SGIP1: variants seen among roughly 807,000 people sequenced by gnomAD.
SGIP1 encodes SH3GL interacting endocytic adaptor 1, also known as SH3-containing GRB2-like protein 3-interacting protein 1.
In SGIP1, 38 loss-of-function variants were observed where a neutral mutation model predicts 107.5. The ratio of observed to expected loss-of-function variants is 0.35; its 90% CI spans 0.27 to 0.46. The LOEUF is 0.46. Among genes scored for constraint, SGIP1 ranks in the 20% least tolerant of loss-of-function variants. SGIP1 has a pLI of 1.00. For missense variants in SGIP1, 929 were observed against 1,019.5 expected, an observed-to-expected ratio of 0.91 and a Z score of 1.21; for synonymous variants, 365 against 366.1, an observed-to-expected ratio of 1.00 and a Z score of 0.03.
At chr1:66,643,823 C>A in intron 7 of SGIP1, 104 bp downstream of exon 7, 2 of 989,182 alleles carry the variant, frequency 2.0e-6, no homozygotes, top group Non-Finnish European at 2.8e-6. Context: ...TTGAAGCCTG[C>A]ATATGGTCAC....
At chr1:66,649,847 C>T (rs2078395374) in intron 7 of SGIP1, among the ~76,000 whole-genome samples, 1 of 152,142 alleles carries the variant, frequency 6.6e-6, no homozygotes, top group African/African-American at 2.4e-5. Flanking sequence ...ACACTTACTC[C>T]AATGATGTCC....
In SGIP1 at chr1:66,681,903, A is replaced by G. The variant is rs748782414; in HGVS notation, c.849A>G (p.Glu283=). 1.2e-6 allele frequency: 2 copies of G among 1,613,660 alleles called. No homozygotes were observed. Among genetic ancestry groups the G allele is most frequent in the Non-Finnish European group, 1.7e-6 (2 of 1,179,714 alleles). ...AGTCAGCCACAGAGGTCAAAATTGA[A>G]AAACTACCATCCATCAATGACTTGG... is the stretch of plus-strand genomic sequence containing the variant. ...NDQSATEVKI[E]KLPSINDLDS... The change falls in exon 15 of 25, where the codon GAA becomes GAG. Residue 283 remains glutamate, a synonymous_variant. Transcript: ENST00000371037.
intron 5 of SGIP1, among the ~76,000 whole-genome samples, chr1:66,641,914 C>G (rs2076864617): frequency 1.3e-5 from 2 of 152,142 alleles, no homozygotes; most frequent in South Asian, 4.1e-4. Flanking sequence ...TACCAAGAAC[C>G]AGCAATCCAT....
chr1:66,583,459 A>G (rs1234558204), intron 1 of SGIP1, among the ~76,000 whole-genome samples: 1 of 152,106 alleles, frequency 6.6e-6, no homozygotes, highest in Non-Finnish European at 1.5e-5. Flanking sequence ...ACTGGGATTA[A>G]CTATTTGCTC....
At position 66,635,965 on chromosome 1, in the gene SGIP1, C is replaced by T. The variant is rs1558154834; in HGVS notation, c.121C>T (p.Pro41Ser). Residue 41 changes from proline (P) to serine (S), a missense_variant, in exon 4 of 25, where the codon CCC (proline) becomes TCC (serine). Pro to Ser is a moderately conservative substitution (Grantham distance 74, BLOSUM62 -1). Coordinates refer to ENST00000371037, the MANE Select transcript of SGIP1 (RefSeq NM_032291.4). ...CCAGCAGCCCAGCCCACACGAACCA[C>T]CCTACAATAGCAAAGCAGAGTGTGC... ...DGIQPSPHEPPYNSKAECARE... is the reference protein window; with the variant it reads ...DGIQPSPHEPSYNSKAECARE... 1.2e-6 allele frequency: 2 copies of T among 1,613,842 alleles called. No individual in the cohort carries two copies. Among genetic ancestry groups the T allele is most frequent in the East Asian group, 4.5e-5 (2 of 44,868 alleles).
At chr1:66,612,932 CTAGAAAATTTTTAAGAGT>C (rs1175233161) in intron 1 of SGIP1, among the ~76,000 whole-genome samples, 3 of 152,196 alleles carry the variant, frequency 2.0e-5, no homozygotes, top group Non-Finnish European at 4.4e-5. Flanking sequence ...ACTGTCAAAA[CTAGAAAATTTTTAAGAGT>C]TAAAAACTGT....
intron 21 of SGIP1, 93 bp from the exon 22 acceptor site, chr1:66,739,242 T>C (rs962734434): frequency 4.0e-5 from 56 of 1,402,240 alleles, no homozygotes; most frequent in Non-Finnish European, 5.0e-5. Flanking sequence ...TCACGGTTGC[T>C]TGTGAGCAGC....
intron 1 of SGIP1, among the ~76,000 whole-genome samples, chr1:66,559,374 TGG>T (rs2058620315): frequency 1.3e-5 from 2 of 152,088 alleles, no homozygotes; most frequent in African/African-American, 4.8e-5. Context: ...ATAAGTAGCC[TGG>T]CTTAACCTAT....
chr1:66,577,363 G>T (rs2061208705), intron 1 of SGIP1, among the ~76,000 whole-genome samples: 1 of 152,050 alleles, frequency 6.6e-6, no homozygotes, highest in African/African-American at 2.4e-5. Flanking sequence ...AATGTTTGTT[G>T]TTTATAGACT....
intron 22 of SGIP1, among the ~76,000 whole-genome samples, 165 bp from the exon 23 acceptor site, chr1:66,740,493 T>C (rs1302328870): frequency 1.3e-5 from 2 of 152,202 alleles, no homozygotes; most frequent in East Asian, 3.8e-4. Context: ...AAAAGAGATT[T>C]ATGTATGTCT....
At chr1:66,588,235 C>T (rs1433079365) in intron 1 of SGIP1, among the ~76,000 whole-genome samples, 1 of 152,062 alleles carries the variant, frequency 6.6e-6, no homozygotes, top group Non-Finnish European at 1.5e-5. Flanking sequence ...AATGGAATAG[C>T]TCCATATATA....
intron 1 of SGIP1, among the ~76,000 whole-genome samples, chr1:66,555,467 C>T (rs1320347573): frequency 2.6e-5 from 4 of 152,166 alleles, no homozygotes; most frequent in Non-Finnish European, 4.4e-5. Flanking sequence ...AGCCCTGTCC[C>T]TCTTGTTCAT....
intron 1 of SGIP1, among the ~76,000 whole-genome samples, chr1:66,604,941 T>C (rs1570467911): frequency 1.3e-5 from 2 of 152,218 alleles, no homozygotes; most frequent in Non-Finnish European, 2.9e-5. Context: ...CACTGTCCTC[T>C]TTTAGGGCTC....
intron 1 of SGIP1, among the ~76,000 whole-genome samples, chr1:66,558,156 T>G (rs2058450078): frequency 1.3e-5 from 2 of 152,094 alleles, no homozygotes; most frequent in Non-Finnish European, 2.9e-5. Flanking sequence ...ACAATTTATC[T>G]TGATTCCAGG....
chr1:66,565,049 G>A (rs1290691550), intron 1 of SGIP1, among the ~76,000 whole-genome samples: 1 of 151,944 alleles, frequency 6.6e-6, no homozygotes, highest in Admixed American at 6.6e-5. Context: ...CTGGAAGGGG[G>A]CAGACAGTAG....
intron 1 of SGIP1, among the ~76,000 whole-genome samples, chr1:66,539,467 G>C (rs1202043848): frequency 3.3e-5 from 5 of 152,180 alleles, no homozygotes. Context: ...ATATTAGAAA[G>C]ATCTGATATT....
intron 12 of SGIP1, among the ~76,000 whole-genome samples, chr1:66,674,171 T>A (rs114211761): frequency 0.012 from 1,787 of 152,084 alleles, 37 homozygotes; most frequent in African/African-American, 0.041. Flanking sequence ...CCACCTCAAA[T>A]AAAATAAAAT....
chr1:66,606,717 C>T (rs1055121690), intron 1 of SGIP1, among the ~76,000 whole-genome samples: 4 of 152,198 alleles, frequency 2.6e-5, no homozygotes, highest in Non-Finnish European at 5.9e-5. Flanking sequence ...GCTGGGTTGT[C>T]TCTGCCAAGA....
In SGIP1 at chr1:66,720,153, T is replaced by C. The variant is rs1030170057; in HGVS notation, c.1742+748T>C. Reference sequence around the variant, plus strand: ...CAATGGTTTCCCTGAAATTATATTGTGTATTTTATGTGTGTGCATGTGTGC... The same window carrying C: ...CAATGGTTTCCCTGAAATTATATTGCGTATTTTATGTGTGTGCATGTGTGC... On this transcript the variant is annotated intron_variant, in intron 19 of 24. Transcript: ENST00000371037. Among the ~76,000 whole-genome samples the C allele has an allele frequency of 8.5e-5, 13 of 152,310 alleles. 3 individuals are homozygous for C. Among genetic ancestry groups the C allele is most frequent in the Admixed American group, 1.3e-4 (2 of 15,298 alleles).
Sources: allele counts gnomAD v4.1 joint callset (sites outside exome capture counted in the v4.1 genomes callset), GRCh38; gene constraint gnomAD v4.1.1; transcripts MANE v1.5; gene names NCBI Gene and HGNC (gene_info 2026-07-23, HGNC 2026-07-21).